The following SHANK2 variants were observed in gnomAD, a reference collection of about 807,000 sequenced individuals.
SHANK2 encodes SH3 and multiple ankyrin repeat domains 2.
In SHANK2, 43 loss-of-function variants were observed where a neutral mutation model predicts 133.7. That is an observed-to-expected ratio of 0.32 (90% confidence interval 0.25 to 0.41). The LOEUF is 0.41. Ranked by LOEUF, SHANK2 falls within the 10% of genes least tolerant of loss-of-function variation. The probability of loss-of-function intolerance (pLI) is 1.00; values close to 1 mark genes in which losing one functional copy is unlikely to be tolerated. For missense variants in SHANK2, 1,994 were observed against 2,235.8 expected (o/e 0.89, Z 2.18); for synonymous variants, 1,017 against 952.8 (o/e 1.07, Z -1.24).
intron 2 of SHANK2, among the ~76,000 whole-genome samples, chr11:71,148,626 T>C (rs1952701952): frequency 6.6e-6 from 1 of 152,170 alleles, no homozygotes; most frequent in Non-Finnish European, 1.5e-5. Flanking sequence ...GCATAGAAGA[T>C]TGTTCCCTGC....
In SHANK2 at chr11:70,689,788, C is replaced by T. The variant is rs554908750; in HGVS notation, c.1853+8900G>A. On this transcript the variant is annotated intron_variant, in intron 15 of 25. Transcript: ENST00000601538. ...CATCAGAACTTCAAAATACATGAAG[C>T]GAAATCCGAGAGAACTGAAAAGAAA... Among the ~76,000 whole-genome samples the T allele has an allele frequency of 3.3e-5, 5 of 152,082 alleles. No homozygotes were observed. The East Asian group carries it at 7.7e-4, about 23-fold the overall frequency.
chr11:71,081,471 C>G (rs1049975202), intron 8 of SHANK2, among the ~76,000 whole-genome samples: 6 of 152,212 alleles, frequency 3.9e-5, no homozygotes, highest in Non-Finnish European at 5.9e-5. Flanking sequence ...GAGCCCATCA[C>G]TCTCATAACA....
chr11:70,549,153 G>A (rs1484162487), intron 17 of SHANK2, among the ~76,000 whole-genome samples: 3 of 152,172 alleles, frequency 2.0e-5, no homozygotes, highest in African/African-American at 4.8e-5. Context: ...GGGGGCGCTC[G>A]ACGTGAAAGC....
chr11:70,629,469 A>C (rs1555001281), intron 17 of SHANK2, among the ~76,000 whole-genome samples: 1 of 152,174 alleles, frequency 6.6e-6, no homozygotes, highest in African/African-American at 2.4e-5. Context: ...GACGTCCAGC[A>C]GGTTCCGGCC....
chr11:70,493,463 CAT>C (rs2058926674), intron 21 of SHANK2, among the ~76,000 whole-genome samples: 1 of 122,290 alleles, frequency 8.2e-6, no homozygotes, highest in Admixed American at 9.0e-5. Context: ...ATTTGCAGCA[CAT>C]TTTTTTTTTT....
chr11:71,236,178 T>C (rs1166725784), intron 1 of SHANK2, among the ~76,000 whole-genome samples: 1 of 152,178 alleles, frequency 6.6e-6, no homozygotes, highest in South Asian at 2.1e-4. Flanking sequence ...CCCAGCTCAA[T>C]GGCCAGAGAA....
At chr11:71,192,265 G>A (rs1462663958) in intron 2 of SHANK2, among the ~76,000 whole-genome samples, 3 of 152,184 alleles carry the variant, frequency 2.0e-5, no homozygotes, top group Admixed American at 6.5e-5. Flanking sequence ...TACATTCTGT[G>A]GTAGTGGGGG....
intron 11 of SHANK2, among the ~76,000 whole-genome samples, chr11:70,836,045 G>A (rs1404116263): frequency 6.6e-6 from 1 of 152,190 alleles, no homozygotes; most frequent in East Asian, 1.9e-4. Context: ...AGCCCACCAA[G>A]GTGCAGGAGG....
chr11:70,726,469 T>A (rs1309960035), intron 14 of SHANK2, among the ~76,000 whole-genome samples: 1 of 8,064 alleles, frequency 1.2e-4, no homozygotes, highest in Non-Finnish European at 2.4e-4. Context: ...GAGTCTGGTG[T>A]GGGTGGGTGG....
At chr11:70,815,772 G>A (rs1393343194) in intron 12 of SHANK2, among the ~76,000 whole-genome samples, 2 of 152,194 alleles carry the variant, frequency 1.3e-5, no homozygotes, top group East Asian at 3.9e-4. Flanking sequence ...CATCAAGGCT[G>A]CACTTGAGGG....
At chr11:70,753,669 A>T (rs1946802155) in intron 14 of SHANK2, among the ~76,000 whole-genome samples, 1 of 152,222 alleles carries the variant, frequency 6.6e-6, no homozygotes, top group Admixed American at 6.5e-5. Flanking sequence ...GCTGACTTTA[A>T]ACAGATAATG....
intron 11 of SHANK2, among the ~76,000 whole-genome samples, chr11:70,836,047 T>G (rs1333812240): frequency 6.6e-6 from 1 of 152,140 alleles, no homozygotes; most frequent in Non-Finnish European, 1.5e-5. Flanking sequence ...CCCACCAAGG[T>G]GCAGGAGGGA....
At chr11:71,083,830 T>C (rs972505613) in intron 8 of SHANK2, among the ~76,000 whole-genome samples, 4 of 152,224 alleles carry the variant, frequency 2.6e-5, no homozygotes, top group Non-Finnish European at 5.9e-5. Context: ...TGACCCCTGA[T>C]GTCCTTGGGT....
At chr11:71,233,840 C>A (rs113068858) in intron 1 of SHANK2, among the ~76,000 whole-genome samples, 2,598 of 151,684 alleles carry the variant, frequency 0.017, 90 homozygotes, top group African/African-American at 0.06. Flanking sequence ...TTGAGGTCAG[C>A]AGTTAGAGAC....
intron 11 of SHANK2, among the ~76,000 whole-genome samples, chr11:70,847,101 C>T (rs929416196): frequency 4.6e-5 from 7 of 152,190 alleles, no homozygotes; most frequent in African/African-American, 7.2e-5. Flanking sequence ...GGGACCTCTG[C>T]CCCGGCCCAT....
Position 71,072,442 on chromosome 11 carries a change from T to C in SHANK2, c.1029+2717A>G, listed in dbSNP as rs980573792. On this transcript the variant is annotated intron_variant, in intron 9 of 25. Coordinates refer to ENST00000601538, the MANE Select transcript of SHANK2 (RefSeq NM_012309.5). ...CCAGAAGCCTTCAGTGTTTCCTAGA[T>C]ACATTCACGTCCTGCTCTCCTCGGC... is the stretch of plus-strand genomic sequence containing the variant. Among the ~76,000 whole-genome samples, 401 of 152,340 alleles carry C rather than the reference T, an allele frequency of 2.6e-3. 4 individuals carry two copies. Among genetic ancestry groups the C allele is most frequent in the African/African-American group, 8.8e-3 (367 of 41,580 alleles).
chr11:70,528,556 G>A (rs891427651), intron 17 of SHANK2, among the ~76,000 whole-genome samples: 15 of 152,120 alleles, frequency 9.9e-5, no homozygotes, highest in African/African-American at 3.4e-4. Flanking sequence ...CAGCCAGCGT[G>A]GGGGCAGCAG....
intron 1 of SHANK2, among the ~76,000 whole-genome samples, chr11:71,234,798 G>A (rs1273898617): frequency 2.0e-5 from 3 of 152,092 alleles, no homozygotes; most frequent in Admixed American, 6.5e-5. Flanking sequence ...GAGCATGGCC[G>A]GGTGGTCCTG....
In SHANK2 at chr11:71,147,231, G is replaced by A; in HGVS notation, c.96C>T (p.Thr32=). The change falls in exon 3 of 26, where the codon ACC becomes ACT. Residue 32 remains threonine, a synonymous_variant. Transcript: ENST00000601538. ...CAGTGGCCCGGATCGTGTCATAGAT[G>A]GTCTCTTCTTTGGAGCTGTCTGACT... is the stretch of plus-strand genomic sequence containing the variant. ...GSESDSSKEE[T]IYDTIRATAE... is the part of the protein sequence containing the mutation. 6.4e-7 allele frequency: 1 copy of A among 1,550,940 alleles called. No homozygotes were observed. The highest frequency in any genetic ancestry group is 2.0e-5 in the Admixed American group (1 of 51,006).
Sources: allele counts gnomAD v4.1 joint callset (sites outside exome capture counted in the v4.1 genomes callset), GRCh38; gene constraint gnomAD v4.1.1; transcripts MANE v1.5; gene names NCBI Gene and HGNC (gene_info 2026-07-23, HGNC 2026-07-21).